Variants in STK32C observed in about 807,000 individuals in gnomAD.
STK32C encodes serine/threonine-protein kinase 32C.
A neutral mutation model predicts 56.5 loss-of-function variants in STK32C; 31 were observed. The observed-to-expected ratio is 0.55, with a 90% CI of 0.41 to 0.74. STK32C has a LOEUF of 0.74. STK32C is among the 30% of genes least tolerant of loss of function. The probability of loss-of-function intolerance (pLI) is 0.00; values close to 1 mark genes in which losing one functional copy is unlikely to be tolerated. For synonymous variants in STK32C, 309 were observed against 289.4 expected (o/e 1.07, Z -0.69); for missense variants, 544 against 676.9 (o/e 0.80, Z 2.18).
chr10:132,256,447 T>C (rs891942203), intron 1 of STK32C, among the ~76,000 whole-genome samples: 2 of 152,170 alleles, frequency 1.3e-5, no homozygotes, highest in Non-Finnish European at 2.9e-5. Context: ...CGGTGTTTAA[T>C]ATCGACATCC....
At chr10:132,302,896 C>A (rs954036315) in intron 1 of STK32C, among the ~76,000 whole-genome samples, 1 of 152,174 alleles carries the variant, frequency 6.6e-6, no homozygotes, top group African/African-American at 2.4e-5. Flanking sequence ...CATCACGGGG[C>A]CACTAGAGTC....
chr10:132,269,416 G>C (rs563683066), intron 1 of STK32C, among the ~76,000 whole-genome samples: 1 of 152,316 alleles, frequency 6.6e-6, no homozygotes, highest in East Asian at 1.9e-4. Flanking sequence ...GGCCGCACCG[G>C]ATCTTCCCCT....
chr10:132,257,069 C>T (rs2064148353), intron 1 of STK32C, among the ~76,000 whole-genome samples: 1 of 152,152 alleles, frequency 6.6e-6, no homozygotes, highest in Non-Finnish European at 1.5e-5. Flanking sequence ...GGCCCTGTGT[C>T]CTGGGGTGTG....
intron 2 of STK32C, among the ~76,000 whole-genome samples, chr10:132,233,536 A>G (rs2063171574): frequency 6.6e-6 from 1 of 152,244 alleles, no homozygotes; most frequent in Non-Finnish European, 1.5e-5. Flanking sequence ...ACGAGGCCAC[A>G]AACCTCTCAA....
downstream of STK32C, among the ~76,000 whole-genome samples, chr10:132,321,797 T>G (rs1374713319): frequency 6.6e-6 from 1 of 152,236 alleles, no homozygotes; most frequent in Non-Finnish European, 1.5e-5. Context: ...AGATGCTTCC[T>G]TGTCTGGCTT....
At chr10:132,210,126 T>C (rs2890337) in intron 10 of STK32C, among the ~76,000 whole-genome samples, 17,558 of 152,266 alleles carry the variant, frequency 0.12, 1,379 homozygotes, top group Non-Finnish European at 0.16. Flanking sequence ...GAAGCATCGT[T>C]ATGCAATGCG....
intron 1 of STK32C, among the ~76,000 whole-genome samples, chr10:132,304,981 C>T (rs745861697): frequency 7.2e-5 from 11 of 152,206 alleles, no homozygotes; most frequent in Non-Finnish European, 1.2e-4. Flanking sequence ...AGCTGCTTAG[C>T]GGGAAGGTAC....
intron 1 of STK32C, among the ~76,000 whole-genome samples, chr10:132,247,391 C>A (rs1361660750): frequency 2.0e-5 from 3 of 152,356 alleles, no homozygotes; most frequent in Admixed American, 6.5e-5. Flanking sequence ...TCCTCATGGG[C>A]CCTGGGGACA....
chr10:132,213,693 C>A (rs542937133), intron 10 of STK32C, among the ~76,000 whole-genome samples: 1 of 152,260 alleles, frequency 6.6e-6, no homozygotes, highest in East Asian at 1.9e-4. Context: ...AGATATGGCA[C>A]CCATGTTGGA....
chr10:132,293,445 T>G (rs947822882), intron 1 of STK32C, among the ~76,000 whole-genome samples: 20 of 152,210 alleles, frequency 1.3e-4, no homozygotes, highest in African/African-American at 4.6e-4. Flanking sequence ...AGTGTGACAG[T>G]GAGCCAAGCC....
exon 1 of STK32C, chr10:132,331,759 G>C: frequency 6.2e-7 from 1 of 1,610,618 alleles, no homozygotes; most frequent in East Asian, 2.2e-5. Flanking sequence ...CTTCCCCTCT[G>C]TGCCAGGCCG....
intron 1 of STK32C, among the ~76,000 whole-genome samples, chr10:132,270,787 C>A (rs2064792344): frequency 6.6e-6 from 1 of 152,218 alleles, no homozygotes; most frequent in South Asian, 2.1e-4. Context: ...GGACTCAGAG[C>A]TCCATCCTGG....
intron 10 of STK32C, 183 bp from the exon 11 acceptor site, chr10:132,209,284 G>A (rs770689929): frequency 2.8e-5 from 20 of 710,606 alleles, no homozygotes; most frequent in East Asian, 5.3e-5. Context: ...GCATCTCTGC[G>A]GGTGACTCAC....
At chr10:132,322,964 G>A (rs749977845), downstream of STK32C, among the ~76,000 whole-genome samples, 2 of 152,172 alleles carry the variant, frequency 1.3e-5, no homozygotes, top group African/African-American at 2.4e-5. Flanking sequence ...AAAAAGAACA[G>A]ATAGCTGGTT....
intron 1 of STK32C, among the ~76,000 whole-genome samples, chr10:132,270,366 T>A (rs2064775743): frequency 6.6e-6 from 1 of 152,216 alleles, no homozygotes; most frequent in Non-Finnish European, 1.5e-5. Context: ...ATACCACAAG[T>A]GAAGCACGGG....
At chr10:132,245,864 C>T in intron 2 of STK32C, 36 bp downstream of exon 2, 1 of 1,603,134 alleles carries the variant, frequency 6.2e-7, no homozygotes, top group African/African-American at 1.3e-5. Context: ...TGCCCCTGCC[C>T]CCTCAGCCCA....
Position 132,252,392 on chromosome 10 carries a change from C to T in STK32C, c.263-6437G>A, listed in dbSNP as rs146965356. Among the ~76,000 whole-genome samples the T allele has an allele frequency of 1.2e-4, 18 of 152,382 alleles. No homozygotes were observed. The East Asian group carries it at 2.9e-3, about 25-fold the overall frequency. On this transcript the variant is annotated intron_variant, in intron 1 of 11. Transcript: ENST00000298630. Reference sequence around the variant, plus strand: ...GGGACATTTGGCAAAGAAGTGTGGGCATGGGTCGTGATTACGGGGACCAAG... The same window carrying T: ...GGGACATTTGGCAAAGAAGTGTGGGTATGGGTCGTGATTACGGGGACCAAG...
chr10:132,237,835 C>T (rs1035537094), intron 2 of STK32C, among the ~76,000 whole-genome samples: 3 of 152,244 alleles, frequency 2.0e-5, no homozygotes, highest in African/African-American at 2.4e-5. Flanking sequence ...CCCCCTTTCC[C>T]GACCATTTAG....
chr10:132,231,523 C>G (rs907940729), intron 2 of STK32C, among the ~76,000 whole-genome samples: 3 of 152,258 alleles, frequency 2.0e-5, no homozygotes, highest in African/African-American at 7.2e-5. Context: ...GGCCATGGTG[C>G]CTCCCTGGAG....
Sources: gnomAD v4.1 joint callset for allele counts (sites outside exome capture counted in the v4.1 genomes callset) on GRCh38, gnomAD v4.1.1 for gene constraint, MANE v1.5 for transcripts, NCBI Gene and HGNC (gene_info 2026-07-23, HGNC 2026-07-21) for gene names.